ARHGAP31: variants seen among roughly 807,000 people sequenced by gnomAD.
ARHGAP31 encodes the protein rho GTPase-activating protein 31.
ARHGAP31 carries 34 observed loss-of-function variants against 113.9 expected under a neutral mutation model. The ratio of observed to expected loss-of-function variants is 0.30; its 90% CI spans 0.23 to 0.40. ARHGAP31 has a LOEUF of 0.40. ARHGAP31 is among the 10% of genes least tolerant of loss of function. The pLI, the probability that ARHGAP31 is intolerant of heterozygous loss-of-function variation, is 1.00. For missense variants in ARHGAP31, 1,548 were observed against 1,767.1 expected (o/e 0.88, Z 2.22); for synonymous variants, 650 against 684.8 (o/e 0.95, Z 0.79).
At chr3:119,387,079 G>A (rs1919588) in intron 6 of ARHGAP31, among the ~76,000 whole-genome samples, 1 of 151,112 alleles carries the variant, frequency 6.6e-6, no homozygotes, top group African/African-American at 2.4e-5. Context: ...GGAGGAGCAG[G>A]GTCTTCTCTA....
intron 4 of ARHGAP31, 127 bp downstream of exon 4, chr3:119,381,113 T>C: frequency 1.1e-6 from 1 of 906,376 alleles, no homozygotes; most frequent in African/African-American, 1.6e-5. Flanking sequence ...CAAGGGCATT[T>C]TGAAGTTGGT....
chr3:119,315,284 T>C (rs918746677), intron 1 of ARHGAP31, among the ~76,000 whole-genome samples: 3 of 152,240 alleles, frequency 2.0e-5, no homozygotes, highest in African/African-American at 4.8e-5. Context: ...TTCCCTAAAT[T>C]ATTCCAACTT....
chr3:119,295,366 G>T (rs1213382735), intron 1 of ARHGAP31, among the ~76,000 whole-genome samples: 1 of 151,738 alleles, frequency 6.6e-6, no homozygotes, highest in African/African-American at 2.4e-5. Context: ...GGACATGTGG[G>T]ATGGTGATCA....
intron 1 of ARHGAP31, among the ~76,000 whole-genome samples, chr3:119,359,383 C>G (rs1475715144): frequency 2.0e-5 from 3 of 151,038 alleles, no homozygotes; most frequent in Non-Finnish European, 4.4e-5. Context: ...CCAAGGAGGA[C>G]AAGCCAAAGC....
At chr3:119,372,591 A>G (rs2080307781) in intron 3 of ARHGAP31, among the ~76,000 whole-genome samples, 1 of 151,874 alleles carries the variant, frequency 6.6e-6, no homozygotes, top group African/African-American at 2.4e-5. Flanking sequence ...CCTATTTTTG[A>G]CTTTTTAGTA....
intron 1 of ARHGAP31, among the ~76,000 whole-genome samples, chr3:119,300,999 C>T (rs2079579383): frequency 6.6e-6 from 1 of 152,110 alleles, no homozygotes; most frequent in Non-Finnish European, 1.5e-5. Flanking sequence ...TTTGGGCTCC[C>T]AGAGTGAAAC....
Position 119,294,786 on chromosome 3 carries a change from T to A in ARHGAP31, c.-119T>A. On this transcript the variant is annotated 5_prime_UTR_variant, in exon 1 of 12. Coordinates refer to ENST00000264245, the MANE Select transcript of ARHGAP31 (RefSeq NM_020754.4). Reference sequence around the variant, plus strand: ...GCCCCCAGCCCAAGTTCTTCCATCTTCCGATGCGGCCCCCCAGAGCCGCGG... The same window carrying A: ...GCCCCCAGCCCAAGTTCTTCCATCTACCGATGCGGCCCCCCAGAGCCGCGG... 1.0e-6 allele frequency: 1 copy of A among 964,164 alleles called. No individual in the cohort carries two copies. The highest frequency in any genetic ancestry group is 1.7e-6 in the Non-Finnish European group (1 of 605,742). The allele number at this position is 964,164 out of a possible 1,614,324, so 59.7% of individuals were successfully genotyped here.
chr3:119,362,610 A>C (rs1408672668), intron 1 of ARHGAP31, among the ~76,000 whole-genome samples: 2 of 152,096 alleles, frequency 1.3e-5, no homozygotes, highest in Non-Finnish European at 2.9e-5. Context: ...TCTATGAAAA[A>C]TACAAAAATT....
intron 1 of ARHGAP31, among the ~76,000 whole-genome samples, chr3:119,332,641 A>T (rs879926314): frequency 0.033 from 3,042 of 91,270 alleles, 41 homozygotes; most frequent in African/African-American, 0.097. Context: ...TCTCTCACAC[A>T]CACACACACA....
At chr3:119,315,841 TAGA>T in intron 1 of ARHGAP31, among the ~76,000 whole-genome samples, 1 of 152,146 alleles carries the variant, frequency 6.6e-6, no homozygotes, top group East Asian at 1.9e-4. Context: ...TCCAAGTTAA[TAGA>T]AGGACAGAGA....
chr3:119,325,379 CTG>C (rs1490808493), intron 1 of ARHGAP31, among the ~76,000 whole-genome samples: 2 of 152,208 alleles, frequency 1.3e-5, no homozygotes, highest in East Asian at 1.9e-4. Context: ...TCCCAAGACG[CTG>C]TGACTCTACA....
intron 1 of ARHGAP31, among the ~76,000 whole-genome samples, chr3:119,311,638 T>G (rs186220087): frequency 6.6e-6 from 1 of 152,162 alleles, no homozygotes; most frequent in African/African-American, 2.4e-5. Flanking sequence ...CTTAAGAGAA[T>G]AGAGTGGCGA....
At chr3:119,335,445 C>T (rs1192358895) in intron 1 of ARHGAP31, among the ~76,000 whole-genome samples, 1 of 152,148 alleles carries the variant, frequency 6.6e-6, no homozygotes, top group Non-Finnish European at 1.5e-5. Flanking sequence ...AACCCTAACC[C>T]CGGTCCTCAA....
chr3:119,383,001 G>C, intron 5 of ARHGAP31, 83 bp from the exon 6 acceptor site: 1 of 1,516,584 alleles, frequency 6.6e-7, no homozygotes, highest in Non-Finnish European at 9.1e-7. Flanking sequence ...GATGAGCCTT[G>C]TGCAAAAGGC....
chr3:119,401,465 A>C (rs938197559), intron 9 of ARHGAP31, among the ~76,000 whole-genome samples: 7 of 152,032 alleles, frequency 4.6e-5, no homozygotes, highest in Non-Finnish European at 5.9e-5. Flanking sequence ...ACCGCCTCCC[A>C]TCTGTCTCTT....
chr3:119,357,642 C>T (rs7614907), intron 1 of ARHGAP31, among the ~76,000 whole-genome samples: 11,072 of 152,286 alleles, frequency 0.073, 553 homozygotes, highest in Admixed American at 0.16. Flanking sequence ...CGCTTTGAAT[C>T]CTGTAGGGAA....
At chr3:119,318,448 T>A (rs1227028757) in intron 1 of ARHGAP31, among the ~76,000 whole-genome samples, 2 of 152,224 alleles carry the variant, frequency 1.3e-5, no homozygotes, top group Non-Finnish European at 2.9e-5. Context: ...AAAAACATCA[T>A]CTAATAATTT....
chr3:119,324,485 TAGC>T (rs1388720889), intron 1 of ARHGAP31, among the ~76,000 whole-genome samples: 6 of 152,176 alleles, frequency 3.9e-5, no homozygotes, highest in African/African-American at 1.4e-4. Context: ...AATAAAAAAT[TAGC>T]AGTCCTAGGT....
intron 1 of ARHGAP31, among the ~76,000 whole-genome samples, chr3:119,330,643 T>C (rs1287888824): frequency 1.3e-5 from 2 of 152,218 alleles, no homozygotes; most frequent in Admixed American, 1.3e-4. Flanking sequence ...CCCCTTGGAA[T>C]CCCAGCTTCC....
Sources: gnomAD v4.1 joint callset for allele counts (sites outside exome capture counted in the v4.1 genomes callset) on GRCh38, gnomAD v4.1.1 for gene constraint, MANE v1.5 for transcripts, NCBI Gene and HGNC (gene_info 2026-07-23, HGNC 2026-07-21) for gene names.